The following EBF2 variants were observed in gnomAD, a reference collection of about 807,000 sequenced individuals.
EBF2 encodes transcription factor COE2.
Under a neutral mutation model 72.8 loss-of-function variants are expected in EBF2, and 21 were observed. The observed-to-expected ratio is 0.29, with a 90% CI of 0.20 to 0.42. The LOEUF (loss-of-function observed/expected upper bound fraction) is 0.42, where lower values mean the gene tolerates loss of function less well. Among genes scored for constraint, EBF2 ranks in the 10% least tolerant of loss-of-function variants. The probability of loss-of-function intolerance (pLI) is 1.00; values close to 1 mark genes in which losing one functional copy is unlikely to be tolerated. For missense variants in EBF2, 637 were observed against 731.2 expected (o/e 0.87, Z 1.49); for synonymous variants, 299 against 274.2 (o/e 1.09, Z -0.89).
At chr8:25,939,415 G>C (rs1365765832) in intron 6 of EBF2, among the ~76,000 whole-genome samples, 1 of 152,128 alleles carries the variant, frequency 6.6e-6, no homozygotes, top group Non-Finnish European at 1.5e-5. Flanking sequence ...TGTGTGTTTT[G>C]CATTTGTGTT....
chr8:25,962,010 CCTGGGCATAAGG>C (rs1283338267), intron 6 of EBF2, among the ~76,000 whole-genome samples: 1 of 152,128 alleles, frequency 6.6e-6, no homozygotes, highest in Non-Finnish European at 1.5e-5. Context: ...GCCCAACTGA[CCTGGGCATAAGG>C]AATACATATT....
intron 5 of EBF2, among the ~76,000 whole-genome samples, chr8:26,035,999 T>C (rs540010392): frequency 6.6e-6 from 1 of 151,698 alleles, no homozygotes; most frequent in African/African-American, 2.4e-5. Context: ...AAAAGACCCA[T>C]ACATGCCAGC....
Position 26,040,022 on chromosome 8 carries a change from T to G in EBF2, c.482+6A>C. ...CCAGGAAGGCCTGGGAAAAGGCGGCTCTTACCTACACATCACTTCGTGCGT... is the reference window on the plus strand; with the variant it reads ...CCAGGAAGGCCTGGGAAAAGGCGGCGCTTACCTACACATCACTTCGTGCGT... On this transcript the variant is annotated splice_donor_region_variant and intron_variant, in intron 5 of 15. Coordinates refer to ENST00000520164, the MANE Select transcript of EBF2 (RefSeq NM_022659.4). 1 of 1,613,394 alleles carries G rather than the reference T, an allele frequency of 6.2e-7. No individual in the cohort carries two copies. Among genetic ancestry groups the G allele is most frequent in the South Asian group, 1.1e-5 (1 of 91,024 alleles).
chr8:26,025,444 C>T (rs925682021), intron 6 of EBF2, among the ~76,000 whole-genome samples: 6 of 151,988 alleles, frequency 3.9e-5, no homozygotes, highest in Non-Finnish European at 2.9e-5. Flanking sequence ...AATGATGGAA[C>T]GAGCCCATTT....
chr8:25,882,766 G>A (rs1422148627), intron 10 of EBF2, among the ~76,000 whole-genome samples: 1 of 152,202 alleles, frequency 6.6e-6, no homozygotes, highest in African/African-American at 2.4e-5. Flanking sequence ...TAATTCCAGA[G>A]CATGAGCAGT....
At chr8:25,896,486 G>A (rs1802865834) in intron 7 of EBF2, among the ~76,000 whole-genome samples, 1 of 152,106 alleles carries the variant, frequency 6.6e-6, no homozygotes, top group Admixed American at 6.5e-5. Context: ...TTTGCCAAGA[G>A]TGGGAAAAAA....
At chr8:25,983,515 G>A (rs1168811335) in intron 6 of EBF2, among the ~76,000 whole-genome samples, 3 of 152,216 alleles carry the variant, frequency 2.0e-5, no homozygotes, top group Admixed American at 6.5e-5. Context: ...ATGAGAAAGT[G>A]TCATTCACTC....
At chr8:25,958,068 C>G (rs1243909707) in intron 6 of EBF2, among the ~76,000 whole-genome samples, 1 of 152,100 alleles carries the variant, frequency 6.6e-6, no homozygotes, top group Non-Finnish European at 1.5e-5. Context: ...TTCTCATGAG[C>G]CTCCCAGACA....
rs867357591 is a variant in EBF2 at position 25,973,779 on chromosome 8, G to A, written c.551+59306C>T. ...CAGCCTCCACCTCCTGGGCTCAAAC[G>A]ATCTTCCCACCTCAGCCTCCCTAGT... On this transcript the variant is annotated intron_variant, in intron 6 of 15. Transcript: ENST00000520164. 3.3e-5 allele frequency among the ~76,000 whole-genome samples: 5 copies of A among 152,134 alleles called. No homozygotes were observed. In the South Asian group the frequency reaches 1.0e-3, roughly 32 times the overall value.
At chr8:25,858,585 GC>G in intron 13 of EBF2, 81 bp from the exon 14 acceptor site, 1 of 1,406,456 alleles carries the variant, frequency 7.1e-7, no homozygotes, top group Non-Finnish European at 9.6e-7. Context: ...GTCCTCATTG[GC>G]CCCAGACTGC....
At chr8:26,005,269 A>AT (rs1491172207) in intron 6 of EBF2, among the ~76,000 whole-genome samples, 1 of 2,900 alleles carries the variant, frequency 3.4e-4, no homozygotes, top group Non-Finnish European at 5.6e-4. Flanking sequence ...ATAATATATA[A>AT]TATATATAAT....
At chr8:25,870,353 C>T (rs929286078) in intron 10 of EBF2, among the ~76,000 whole-genome samples, 4 of 151,818 alleles carry the variant, frequency 2.6e-5, no homozygotes, top group African/African-American at 9.7e-5. Context: ...GTGCTAAATA[C>T]AAACTAAACA....
intron 15 of EBF2, among the ~76,000 whole-genome samples, chr8:25,849,251 G>C (rs1434167365): frequency 6.6e-6 from 1 of 152,190 alleles, no homozygotes; most frequent in African/African-American, 2.4e-5. Flanking sequence ...GGTTTTGACA[G>C]TTTCTCTGTA....
intron 13 of EBF2, among the ~76,000 whole-genome samples, chr8:25,860,714 A>G (rs1802198055): frequency 2.0e-5 from 3 of 151,714 alleles, no homozygotes; most frequent in African/African-American, 7.3e-5. Context: ...ATGGGTTTTC[A>G]CCATGTTGCC....
intron 14 of EBF2, 50 bp from the exon 15 acceptor site, chr8:25,850,811 G>A (rs369784727): frequency 9.0e-5 from 138 of 1,525,912 alleles, no homozygotes; most frequent in Non-Finnish European, 1.1e-4. Context: ...TCTTCCTTCA[G>A]TTCACACATT....
chr8:25,986,127 T>C (rs547538293), intron 6 of EBF2, among the ~76,000 whole-genome samples: 1 of 152,078 alleles, frequency 6.6e-6, no homozygotes, highest in South Asian at 2.1e-4. Context: ...TGAGCAACTA[T>C]TATATGCTGG....
chr8:25,975,340 C>A (rs1296202548), intron 6 of EBF2, among the ~76,000 whole-genome samples: 1 of 152,190 alleles, frequency 6.6e-6, no homozygotes, highest in African/African-American at 2.4e-5. Context: ...ACAGAATCAA[C>A]TGTCTCAGTA....
intron 5 of EBF2, among the ~76,000 whole-genome samples, chr8:26,037,521 T>A (rs1329294336): frequency 2.0e-5 from 3 of 152,200 alleles, no homozygotes; most frequent in Non-Finnish European, 2.9e-5. Flanking sequence ...ATCTGGCCGA[T>A]AAAGACACTG....
Position 25,861,293 on chromosome 8 carries a change from G to A in EBF2, c.1164+16C>T. 6.2e-7 allele frequency: 1 copy of A among 1,614,132 alleles called. No individual in the cohort carries two copies. Among genetic ancestry groups the A allele is most frequent in the Non-Finnish European group, 8.5e-7 (1 of 1,180,000 alleles). ...AAGTGCAAAACTCAATAAAGGATAGGATGTCAGTATCTCACCTGGTTATTG... is the reference window on the plus strand; with the variant it reads ...AAGTGCAAAACTCAATAAAGGATAGAATGTCAGTATCTCACCTGGTTATTG... On this transcript the variant is annotated intron_variant, in intron 12 of 15. Coordinates refer to ENST00000520164, the MANE Select transcript of EBF2 (RefSeq NM_022659.4).
Sources: allele counts gnomAD v4.1 joint callset (sites outside exome capture counted in the v4.1 genomes callset), GRCh38; gene constraint gnomAD v4.1.1; transcripts MANE v1.5; gene names NCBI Gene and HGNC (gene_info 2026-07-23, HGNC 2026-07-21).